CBLB: variants seen among roughly 807,000 people sequenced by gnomAD.
CBLB encodes Cbl proto-oncogene B.
A neutral mutation model predicts 104.9 loss-of-function variants in CBLB; 31 were observed. The observed-to-expected ratio is 0.30, with a 90% CI of 0.22 to 0.40. CBLB has a LOEUF of 0.40. CBLB is among the 10% of genes least tolerant of loss of function. CBLB has a pLI of 1.00. For missense variants in CBLB, 1,062 were observed against 1,214.6 expected (o/e 0.87, Z 1.87); for synonymous variants, 440 against 422.6 (o/e 1.04, Z -0.51).
intron 3 of CBLB, among the ~76,000 whole-genome samples, chr3:105,786,851 T>C (rs528848122): frequency 6.6e-6 from 1 of 152,336 alleles, no homozygotes; most frequent in East Asian, 1.9e-4. Context: ...CATGTGTTCT[T>C]TGTCATATAA....
intron 3 of CBLB, among the ~76,000 whole-genome samples, chr3:105,843,390 G>C (rs1393094403): frequency 6.6e-6 from 1 of 152,022 alleles, no homozygotes; most frequent in Non-Finnish European, 1.5e-5. Context: ...TTTTCTATGT[G>C]CAATAGGGAA....
chr3:105,741,966 T>C (rs896622537), intron 6 of CBLB, among the ~76,000 whole-genome samples: 5 of 152,330 alleles, frequency 3.3e-5, no homozygotes, highest in Admixed American at 6.5e-5. Flanking sequence ...AGTTCAAAAA[T>C]ATAAATCAAA....
chr3:105,854,682 G>A (rs2091380058), intron 2 of CBLB, among the ~76,000 whole-genome samples: 1 of 151,764 alleles, frequency 6.6e-6, no homozygotes. Context: ...ACCCAGGCTG[G>A]AGTGTAGTGA....
chr3:105,702,000 A>T, intron 12 of CBLB, 94 bp downstream of exon 12: 2 of 1,367,980 alleles, frequency 1.5e-6, no homozygotes, highest in Non-Finnish European at 2.1e-6. Context: ...GTGCCATGCT[A>T]GGCAAAAAAA....
Position 105,867,480 on chromosome 3 carries a change from A to G in CBLB, c.98T>C (p.Val33Ala). 6.2e-7 allele frequency: 1 copy of G among 1,614,214 alleles called. No homozygotes were observed. The highest frequency in any genetic ancestry group is 2.2e-5 in the East Asian group (1 of 44,880). ...LGIIDAIQDAVGPPKQAAADR... is the reference protein window; with the variant it reads ...LGIIDAIQDAAGPPKQAAADR... Reference sequence around the variant, plus strand: ...TGCGGCAGCTTGCTTAGGGGGTCCAACTGCATCCTGAATAGCATCAATAAT... The same window carrying G: ...TGCGGCAGCTTGCTTAGGGGGTCCAGCTGCATCCTGAATAGCATCAATAAT... Residue 33 changes from valine (V) to alanine (A), a missense_variant, in exon 2 of 19, where the codon GTT becomes GCT. Around this residue, in one of 2 missense-constraint regions of CBLB, gnomAD observed 457 missense variants for 632.0 expected, o/e 0.72. Coordinates refer to ENST00000394030, the MANE Select transcript of CBLB (RefSeq NM_170662.5).
intron 10 of CBLB, among the ~76,000 whole-genome samples, 181 bp downstream of exon 10, chr3:105,719,866 C>T (rs2072507949): frequency 6.6e-6 from 1 of 152,070 alleles, no homozygotes; most frequent in Admixed American, 6.6e-5. Context: ...TCCAGTGGGA[C>T]AAGATGTGGA....
chr3:105,707,989 G>C (rs1448278249), intron 10 of CBLB, among the ~76,000 whole-genome samples: 2 of 151,676 alleles, frequency 1.3e-5, no homozygotes, highest in Non-Finnish European at 2.9e-5. Context: ...AAATTCTAGA[G>C]TAACAGACTT....
At chr3:105,667,925 C>A (rs1311543990) in intron 18 of CBLB, among the ~76,000 whole-genome samples, 1 of 152,028 alleles carries the variant, frequency 6.6e-6, no homozygotes. Flanking sequence ...ATCCTAAAGG[C>A]GCATATGCAT....
intron 10 of CBLB, 76 bp from the exon 11 acceptor site, chr3:105,704,249 G>T (rs2069717227): frequency 7.3e-7 from 1 of 1,378,966 alleles, no homozygotes; most frequent in Non-Finnish European, 1.0e-6. Context: ...GAATATATTT[G>T]GTTGGAAGAA....
chr3:105,737,184 A>G lies in CBLB; in HGVS notation c.1058T>C (p.Ile353Thr). 1 of 1,564,918 alleles carries G rather than the reference A, an allele frequency of 6.4e-7. No individual in the cohort carries two copies. Among genetic ancestry groups the G allele is most frequent in the Non-Finnish European group, 8.8e-7 (1 of 1,138,858 alleles). The part of the protein sequence containing the change: ...GLCEPTPHDH[I>T]KVTQEQYELY... Reference sequence around the variant, plus strand: ...AATTATCCTTACCTGTGTAACTTTTATATGGTCATGAGGTGTAGGTTCACA... The same window carrying G: ...AATTATCCTTACCTGTGTAACTTTTGTATGGTCATGAGGTGTAGGTTCACA... The change falls in exon 8 of 19, where the codon ATA becomes ACA. Residue 353 changes from isoleucine (I) to threonine (T), a missense_variant. Physicochemically the swap from Ile to Thr is moderately conservative, Grantham distance 89. This residue lies in a region of CBLB where 457 missense variants were observed against 632.0 expected (regional missense o/e 0.72). Transcript: ENST00000394030.
At chr3:105,702,496 A>C (rs1364482004) in intron 11 of CBLB, 37 bp from the exon 12 acceptor site, 1 of 1,473,124 alleles carries the variant, frequency 6.8e-7, no homozygotes, top group Non-Finnish European at 9.0e-7. Flanking sequence ...AAAAAAAAAA[A>C]AAACTAAAGG....
intron 3 of CBLB, among the ~76,000 whole-genome samples, chr3:105,820,026 C>T (rs1385132345): frequency 1.3e-5 from 2 of 152,122 alleles, no homozygotes; most frequent in African/African-American, 2.4e-5. Context: ...AATAATTATA[C>T]AACTTACCAT....
chr3:105,683,434 A>C (rs1404628935), intron 14 of CBLB, among the ~76,000 whole-genome samples: 1 of 152,234 alleles, frequency 6.6e-6, no homozygotes, highest in African/African-American at 2.4e-5. Context: ...GAAAAATGGT[A>C]ATGATGGTTA....
intron 4 of CBLB, among the ~76,000 whole-genome samples, chr3:105,758,229 C>G (rs569515492): frequency 1.3e-5 from 2 of 152,278 alleles, no homozygotes; most frequent in South Asian, 2.1e-4. Flanking sequence ...TATCAAAACA[C>G]TCTGGTTACA....
At chr3:105,731,606 A>T (rs973676844) in intron 9 of CBLB, among the ~76,000 whole-genome samples, 2 of 151,872 alleles carry the variant, frequency 1.3e-5, no homozygotes, top group Non-Finnish European at 2.9e-5. Flanking sequence ...AAGGCAAACA[A>T]CTATTTTATT....
intron 16 of CBLB, among the ~76,000 whole-genome samples, chr3:105,680,010 G>C (rs945713214): frequency 2.0e-5 from 3 of 151,954 alleles, no homozygotes; most frequent in Non-Finnish European, 4.4e-5. Flanking sequence ...AAATTATAAG[G>C]CTCTGACTCA....
At chr3:105,735,433 T>TA (rs1171670870) in intron 8 of CBLB, among the ~76,000 whole-genome samples, 2 of 152,070 alleles carry the variant, frequency 1.3e-5, no homozygotes, top group Non-Finnish European at 2.9e-5. Context: ...TATGCAATTA[T>TA]AAAAAAAATT....
At chr3:105,800,908 AC>A (rs983848116) in intron 3 of CBLB, among the ~76,000 whole-genome samples, 2 of 152,202 alleles carry the variant, frequency 1.3e-5, no homozygotes, top group Non-Finnish European at 2.9e-5. Context: ...TTATGACAGT[AC>A]AATGCACACT....
Position 105,656,408 on chromosome 3 carries a change from A to AC in CBLB, c.*2561_*2562insG, listed in dbSNP as rs2063351593. ...GCAGTCGCTTTTACAATAAAAAAAA[A>AC]TTTTTTTAGGTTTAATTTCATAGGT... is the stretch of plus-strand genomic sequence containing the variant. On this transcript the variant is annotated 3_prime_UTR_variant, in exon 19 of 19. Transcript: ENST00000394030. 1 of 196,394 alleles carries AC rather than the reference A, an allele frequency of 5.1e-6. No homozygotes were observed. The highest frequency in any genetic ancestry group is 1.1e-5 in the Non-Finnish European group (1 of 94,840). 12.2% of individuals were successfully genotyped at this position (196,394 alleles called of 1,614,324 possible).
Sources: allele counts gnomAD v4.1 joint callset (sites outside exome capture counted in the v4.1 genomes callset), GRCh38; gene constraint gnomAD v4.1.1; regional missense constraint gnomAD v4.1.1; transcripts MANE v1.5; gene names NCBI Gene and HGNC (gene_info 2026-07-23, HGNC 2026-07-21).